The following ADAMTS12 variants were observed in gnomAD, a reference collection of about 807,000 sequenced individuals.
ADAMTS12 encodes the protein ADAM metallopeptidase with thrombospondin type 1 motif 12, also known as A disintegrin and metalloproteinase with thrombospondin motifs 12.
In ADAMTS12, 118 loss-of-function variants were observed where a neutral mutation model predicts 167.8. That is an observed-to-expected ratio of 0.70 (90% confidence interval 0.61 to 0.82). The LOEUF is 0.82. Among genes scored for constraint, ADAMTS12 ranks in the 40% least tolerant of loss-of-function variants. ADAMTS12 has a pLI of 0.00. For synonymous variants in ADAMTS12, 704 were observed against 716.9 expected, an observed-to-expected ratio of 0.98 and a Z score of 0.29; for missense variants, 1,916 against 1,998.8, an observed-to-expected ratio of 0.96 and a Z score of 0.79.
At chr5:33,814,263 T>C (rs973544067) in intron 2 of ADAMTS12, among the ~76,000 whole-genome samples, 1 of 152,200 alleles carries the variant, frequency 6.6e-6, no homozygotes, top group Non-Finnish European at 1.5e-5. Context: ...GGAACTGATT[T>C]TGCTTATGAT....
chr5:33,777,146 G>C (rs1232769006), intron 2 of ADAMTS12, among the ~76,000 whole-genome samples: 1 of 152,098 alleles, frequency 6.6e-6, no homozygotes, highest in Non-Finnish European at 1.5e-5. Flanking sequence ...AAATATTGAA[G>C]AGGTAGAATG....
intron 2 of ADAMTS12, among the ~76,000 whole-genome samples, chr5:33,777,467 A>G (rs1277221611): frequency 6.9e-6 from 1 of 144,502 alleles, no homozygotes; most frequent in Non-Finnish European, 1.5e-5. Flanking sequence ...AGAGCATTTG[A>G]AAATATTCAA....
At chr5:33,586,184 C>T (rs1432889504) in intron 18 of ADAMTS12, among the ~76,000 whole-genome samples, 1 of 152,152 alleles carries the variant, frequency 6.6e-6, no homozygotes, top group Non-Finnish European at 1.5e-5. Flanking sequence ...ATAATAAATA[C>T]TGCCTGCCAA....
At chr5:33,572,777 G>T (rs921903817) in intron 19 of ADAMTS12, among the ~76,000 whole-genome samples, 40 of 147,670 alleles carry the variant, frequency 2.7e-4, no homozygotes, top group Non-Finnish European at 4.5e-4. Context: ...GGAAACAAAG[G>T]GTATTCAATT....
chr5:33,742,705 T>C (rs1018483317), intron 3 of ADAMTS12, among the ~76,000 whole-genome samples: 2 of 152,210 alleles, frequency 1.3e-5, no homozygotes, highest in African/African-American at 4.8e-5. Flanking sequence ...GGAAATAAGA[T>C]CCAAGTTCAA....
intron 2 of ADAMTS12, among the ~76,000 whole-genome samples, chr5:33,775,157 C>T (rs1397054810): frequency 2.6e-5 from 4 of 152,146 alleles, no homozygotes; most frequent in African/African-American, 9.7e-5. Flanking sequence ...GCAGAGAAGA[C>T]CTGCTTGGCA....
At chr5:33,606,107 C>G (rs1388340032) in intron 16 of ADAMTS12, among the ~76,000 whole-genome samples, 1 of 152,102 alleles carries the variant, frequency 6.6e-6, no homozygotes, top group Non-Finnish European at 1.5e-5. Context: ...ATCACCACGC[C>G]TGGCTAATTT....
At chr5:33,678,014 G>T (rs987968671) in intron 5 of ADAMTS12, among the ~76,000 whole-genome samples, 1 of 152,062 alleles carries the variant, frequency 6.6e-6, no homozygotes, top group African/African-American at 2.4e-5. Context: ...GAAAAATAAA[G>T]CCCCAAATGG....
In ADAMTS12 at chr5:33,891,790, C is replaced by A. The variant is rs755046030; in HGVS notation, c.67G>T (p.Ala23Ser). ...TGAGGCTGTCTCCCATAGCAAAGCGCCCCAAAGTTAAGGAGCTGAGCCACC... is the reference window on the plus strand; with the variant it reads ...TGAGGCTGTCTCCCATAGCAAAGCGACCCAAAGTTAAGGAGCTGAGCCACC... ...SVVAQLLNFG[A>S]LCYGRQPQPG... The change falls in exon 1 of 24, where the codon GCG becomes TCG. Residue 23 changes from alanine to serine, a missense_variant. Transcript: ENST00000504830. The A allele has an allele frequency of 6.2e-7, 1 of 1,614,208 alleles. No individual in the cohort carries two copies. Among genetic ancestry groups the A allele is most frequent in the South Asian group, 1.1e-5 (1 of 91,074 alleles).
intron 3 of ADAMTS12, among the ~76,000 whole-genome samples, chr5:33,733,104 C>T (rs1343323406): frequency 6.6e-6 from 1 of 151,776 alleles, no homozygotes; most frequent in Non-Finnish European, 1.5e-5. Flanking sequence ...AACATATTCA[C>T]AAATAGTGGC....
chr5:33,666,315 A>G (rs758542230), intron 5 of ADAMTS12, among the ~76,000 whole-genome samples: 1 of 152,012 alleles, frequency 6.6e-6, no homozygotes, highest in East Asian at 1.9e-4. Context: ...CCTGCTAATA[A>G]CCTCCACCTG....
In ADAMTS12 at chr5:33,811,412, C is replaced by G. The variant is rs577509256; in HGVS notation, c.490-59864G>C. Among the ~76,000 whole-genome samples the G allele has an allele frequency of 2.9e-3, 444 of 152,224 alleles. 3 individuals are homozygous for G. Among genetic ancestry groups the G allele is most frequent in the Non-Finnish European group, 4.7e-3 (319 of 68,010 alleles). ...GAAGGATGACTTCAATTAGGATGGT[C>G]ACAGCAAGTCTCACTGAGAAGGTGA... On this transcript the variant is annotated intron_variant, in intron 2 of 23. Coordinates refer to ENST00000504830, the MANE Select transcript of ADAMTS12 (RefSeq NM_030955.4).
Position 33,624,278 on chromosome 5 carries a change from G to A in ADAMTS12, c.2096C>T (p.Ser699Phe). ...CATCTTTCTCACAGTCTGGCAGGAA[G>A]AGCCATCTCCCAGGCACACACCGCA... ...DRCGVCLGDG[S>F]SCQTVRKMFK... The change falls in exon 14 of 24, where the codon TCT becomes TTT. Residue 699 changes from serine (S) to phenylalanine (F), a missense_variant. Coordinates refer to ENST00000504830, the MANE Select transcript of ADAMTS12 (RefSeq NM_030955.4). 3.7e-6 allele frequency: 6 copies of A among 1,614,076 alleles called. No individual in the cohort carries two copies. The highest frequency in any genetic ancestry group is 5.1e-6 in the Non-Finnish European group (6 of 1,179,984).
intron 17 of ADAMTS12, among the ~76,000 whole-genome samples, chr5:33,591,225 GA>G (rs1747622533): frequency 6.6e-6 from 1 of 151,944 alleles, no homozygotes; most frequent in African/African-American, 2.4e-5. Flanking sequence ...ATGGGTTAGA[GA>G]CCCTTTGAAC....
chr5:33,547,336 A>G (rs1302890365), intron 21 of ADAMTS12, among the ~76,000 whole-genome samples: 2 of 152,218 alleles, frequency 1.3e-5, no homozygotes, highest in Middle Eastern at 3.4e-3. Flanking sequence ...TGAATTGGCC[A>G]TTCTCGGGGT....
chr5:33,639,443 A>C (rs1177307326), intron 11 of ADAMTS12, among the ~76,000 whole-genome samples: 1 of 152,216 alleles, frequency 6.6e-6, no homozygotes, highest in Non-Finnish European at 1.5e-5. Flanking sequence ...TGAAGGGGAA[A>C]GCCATGGAAA....
At chr5:33,638,508 G>C (rs1490177153) in intron 11 of ADAMTS12, among the ~76,000 whole-genome samples, 1 of 151,844 alleles carries the variant, frequency 6.6e-6, no homozygotes, top group Non-Finnish European at 1.5e-5. Flanking sequence ...CATTTGGATA[G>C]ATTTTTTTCC....
At chr5:33,639,067 CT>C (rs765208749) in intron 11 of ADAMTS12, among the ~76,000 whole-genome samples, 10 of 152,202 alleles carry the variant, frequency 6.6e-5, no homozygotes, top group Non-Finnish European at 1.3e-4. Flanking sequence ...AATAAGTTAC[CT>C]CATTTCTCTG....
chr5:33,731,160 C>T (rs1744180470), intron 3 of ADAMTS12, among the ~76,000 whole-genome samples: 1 of 151,532 alleles, frequency 6.6e-6, no homozygotes, highest in African/African-American at 2.4e-5. Flanking sequence ...ATTCCAGTTT[C>T]TTAGTTTCTT....
Sources: gnomAD v4.1 joint callset for allele counts (sites outside exome capture counted in the v4.1 genomes callset) on GRCh38, gnomAD v4.1.1 for gene constraint, MANE v1.5 for transcripts, NCBI Gene and HGNC (gene_info 2026-07-23, HGNC 2026-07-21) for gene names.